The following FAT2 variants were observed in gnomAD, a reference collection of about 807,000 sequenced individuals.
FAT2 encodes protocadherin Fat 2.
A neutral mutation model predicts 295.3 loss-of-function variants in FAT2; 150 were observed. The ratio of observed to expected loss-of-function variants is 0.51; its 90% CI spans 0.44 to 0.58. FAT2 has a LOEUF of 0.58. FAT2 is among the 20% of genes least tolerant of loss of function. The probability of loss-of-function intolerance (pLI) is 0.00; values close to 1 mark genes in which losing one functional copy is unlikely to be tolerated. For missense variants in FAT2, 4,868 were observed against 5,442.7 expected (o/e 0.89, Z 3.32); for synonymous variants, 2,026 against 2,150.3 (o/e 0.94, Z 1.60).
chr5:151,542,911 A>G lies in FAT2; in HGVS notation c.8216T>C (p.Val2739Ala), dbSNP rs1198696192. The change falls in exon 10 of 24, where the codon GTC (valine) becomes GCC (alanine). Residue 2739 changes from valine (V) to alanine (A), a missense_variant. Physicochemically the swap from Val to Ala is moderately conservative, Grantham distance 64. Around this residue, in one of 5 missense-constraint regions of FAT2, gnomAD observed 3,297 missense variants for 3,669.4 expected, o/e 0.90. Coordinates refer to ENST00000261800, the MANE Select transcript of FAT2 (RefSeq NM_001447.3). The part of the protein sequence containing the change: ...GTTPESNKDG[V>A]FSLDPDTGVI... ...CCCTGTGTCTGGGTCTAGGGAGAAG[A>G]CACCATCCTTGTTGCTCTCAGGTGT... 6.2e-7 allele frequency: 1 copy of G among 1,614,186 alleles called. No homozygotes were observed. Among genetic ancestry groups the G allele is most frequent in the Non-Finnish European group, 8.5e-7 (1 of 1,180,038 alleles).
Position 151,569,037 on chromosome 5 carries a change from C to T in FAT2, c.-20-86G>A, listed in dbSNP as rs910165511. 12 of 1,300,212 alleles carry T rather than the reference C, an allele frequency of 9.2e-6. No individual in the cohort carries two copies. The African/African-American group carries it at 1.8e-4, about 19-fold the overall frequency. 80.5% of individuals were successfully genotyped at this position (1,300,212 alleles called of 1,614,324 possible). ...GATTCTTAACTGGAGGTGATTTTGA[C>T]CCTCAAGGGACACTTGGCAATGTCT... On this transcript the variant is annotated intron_variant, in intron 1 of 23. Coordinates refer to ENST00000261800, the MANE Select transcript of FAT2 (RefSeq NM_001447.3).
At chr5:151,522,471 G>C (rs902844778) in intron 18 of FAT2, among the ~76,000 whole-genome samples, 1 of 152,156 alleles carries the variant, frequency 6.6e-6, no homozygotes, top group Non-Finnish European at 1.5e-5. Flanking sequence ...CAATTCTGAT[G>C]CACCATGCAC....
At position 151,567,390 on chromosome 5, in the gene FAT2, G is replaced by A. The variant is rs1758326577; in HGVS notation, c.1542C>T (p.Ile514=). 6 of 1,614,012 alleles carry A rather than the reference G, an allele frequency of 3.7e-6. No individual in the cohort carries two copies. Among genetic ancestry groups the A allele is most frequent in the East Asian group, 2.2e-5 (1 of 44,900 alleles). The change falls in exon 2 of 24, where the codon ATC becomes ATT. Residue 514 remains isoleucine, a synonymous_variant. Transcript: ENST00000261800. ...CATAGTCCATGGGTTTGGAGGTGGA[G>A]ATGATCCCCAGGTAGGGGTCAATAG... The part of the protein sequence containing the change: ...PFSIDPYLGI[I]STSKPMDYEL...
At chr5:151,585,812 G>GC (rs952273886) in intron 1 of FAT2, among the ~76,000 whole-genome samples, 4 of 152,112 alleles carry the variant, frequency 2.6e-5, no homozygotes, top group African/African-American at 9.7e-5. Flanking sequence ...GACTTCAGGA[G>GC]CCCCCAAATC....
intron 10 of FAT2, 69 bp from the exon 11 acceptor site, chr5:151,540,832 G>C (rs2127603191): frequency 7.2e-7 from 1 of 1,396,506 alleles, no homozygotes; most frequent in Non-Finnish European, 9.8e-7. Context: ...GTCACAGGTG[G>C]CTGCCCATTG....
At position 151,565,961 on chromosome 5, in the gene FAT2, T is replaced by C; in HGVS notation, c.2971A>G (p.Arg991Gly). Residue 991 changes from arginine to glycine, a missense_variant, in exon 2 of 24, where the codon AGG becomes GGG. Around this residue, in one of 5 missense-constraint regions of FAT2, gnomAD observed 3,297 missense variants for 3,669.4 expected, o/e 0.90. Coordinates refer to ENST00000261800, the MANE Select transcript of FAT2 (RefSeq NM_001447.3). ...LILERELDFE[R>G]RAGYNLSLWA... The stretch of plus-strand genomic sequence containing the variant: ...AGGCTCAGATTGTACCCAGCTCGCC[T>C]CTCAAAGTCCAGCTCTCTCTCCAGA... 6.2e-7 allele frequency: 1 copy of C among 1,613,968 alleles called. No homozygotes were observed. The highest frequency in any genetic ancestry group is 8.5e-7 in the Non-Finnish European group (1 of 1,180,008).
chr5:151,545,301 C>T lies in FAT2; in HGVS notation c.5826G>A (p.Arg1942=). 1.2e-6 allele frequency: 2 copies of T among 1,614,058 alleles called. No homozygotes were observed. Among genetic ancestry groups the T allele is most frequent in the Non-Finnish European group, 8.5e-7 (1 of 1,179,986 alleles). Residue 1942 remains arginine (R), a synonymous_variant, in exon 10 of 24, where the codon AGG becomes AGA. Coordinates refer to ENST00000261800, the MANE Select transcript of FAT2 (RefSeq NM_001447.3). ...TGTCTTGATACAAGCCATCAGAAGC[C>T]CTGATGGTGAGCTTCCGAGAGAGTC... ...FLGLSRKLTI[R]ASDGLYQDTA...
intron 9 of FAT2, among the ~76,000 whole-genome samples, chr5:151,547,198 G>C (rs999254364): frequency 6.6e-6 from 1 of 152,098 alleles, no homozygotes; most frequent in Non-Finnish European, 1.5e-5. Flanking sequence ...AAAAAATACC[G>C]TATTAAAATT....
intron 11 of FAT2, among the ~76,000 whole-genome samples, chr5:151,539,042 C>T (rs1024719671): frequency 3.9e-5 from 6 of 151,912 alleles, no homozygotes; most frequent in African/African-American, 1.2e-4. Flanking sequence ...GAACCATCTC[C>T]GGGAGGGCCA....
chr5:151,562,953 G>C (rs571026454), intron 3 of FAT2, among the ~76,000 whole-genome samples: 2 of 152,324 alleles, frequency 1.3e-5, no homozygotes, highest in Non-Finnish European at 2.9e-5. Flanking sequence ...ACTCAGGAGA[G>C]AGTCAGGTTG....
At chr5:151,589,904 A>G (rs961144716) in intron 1 of FAT2, among the ~76,000 whole-genome samples, 18 of 152,116 alleles carry the variant, frequency 1.2e-4, no homozygotes, top group African/African-American at 4.3e-4. Flanking sequence ...AAATAAATAA[A>G]TATTTAATAA....
At chr5:151,593,344 G>A (rs1217238707), upstream of FAT2, among the ~76,000 whole-genome samples, 3 of 152,134 alleles carry the variant, frequency 2.0e-5, no homozygotes, top group Admixed American at 1.3e-4. Context: ...TCCAGCGCAG[G>A]GACTGTCTGC....
At chr5:151,581,006 C>T (rs1334212404) in intron 1 of FAT2, among the ~76,000 whole-genome samples, 3 of 152,158 alleles carry the variant, frequency 2.0e-5, no homozygotes, top group Non-Finnish European at 4.4e-5. Flanking sequence ...GTGAGCCCAT[C>T]AGTCTCACGT....
intron 1 of FAT2, among the ~76,000 whole-genome samples, chr5:151,571,813 C>T (rs960112766): frequency 6.6e-6 from 1 of 152,336 alleles, no homozygotes; most frequent in East Asian, 1.9e-4. Flanking sequence ...AAACGTACAT[C>T]AATTCATATG....
At chr5:151,548,483 A>T (rs1382950281) in intron 9 of FAT2, among the ~76,000 whole-genome samples, 2 of 152,088 alleles carry the variant, frequency 1.3e-5, no homozygotes, top group Non-Finnish European at 2.9e-5. Flanking sequence ...ATGTATTAAC[A>T]TACATTTTCT....
chr5:151,515,677 C>A (rs1752788031), intron 20 of FAT2, among the ~76,000 whole-genome samples: 1 of 152,168 alleles, frequency 6.6e-6, no homozygotes, highest in Admixed American at 6.5e-5. Context: ...TTGGCTTTGC[C>A]TTCAAAATCT....
rs1212895239 is a variant in FAT2, at chr5:151,554,174, C to A, written c.3945+188G>T. ...TCCCAGGCAAAGACCTTATTGCCTT[C>A]AAAGAGAAGGACCCAGAATTTGATC... is the stretch of plus-strand genomic sequence containing the variant. On this transcript the variant is annotated intron_variant, in intron 5 of 23. Coordinates refer to ENST00000261800, the MANE Select transcript of FAT2 (RefSeq NM_001447.3). Among the ~76,000 whole-genome samples the A allele has an allele frequency of 2.6e-5, 4 of 152,180 alleles. No homozygotes were observed. In the East Asian group the frequency reaches 7.7e-4, roughly 29 times the overall value.
chr5:151,591,906 A>G (rs1170508188), upstream of FAT2, among the ~76,000 whole-genome samples: 4 of 152,228 alleles, frequency 2.6e-5, no homozygotes, highest in Non-Finnish European at 5.9e-5. Context: ...TAGCTGAGAA[A>G]GTCCCCCATA....
In FAT2 at chr5:151,563,516, G is replaced by T. The variant is rs190882193; in HGVS notation, c.3383C>A (p.Thr1128Lys). 1 of 1,614,120 alleles carries T rather than the reference G, an allele frequency of 6.2e-7. No homozygotes were observed. The highest frequency in any genetic ancestry group is 1.1e-5 in the South Asian group (1 of 91,074). Residue 1128 changes from threonine to lysine, a missense_variant, in exon 3 of 24, where the codon ACG becomes AAG. Physicochemically the swap from Thr to Lys is moderately conservative, Grantham distance 78. Transcript: ENST00000261800. ...CTGGGGTGGGTTGTCATTGGCATCC[G>T]TAACCTCGATGTAGACTTCAGTTAC... ...SSVTEVYIEV[T>K]DANDNPPQMS...
Sources: gnomAD v4.1 joint callset for allele counts (sites outside exome capture counted in the v4.1 genomes callset) on GRCh38, gnomAD v4.1.1 for gene constraint, gnomAD v4.1.1 regional missense constraint, MANE v1.5 for transcripts, NCBI Gene and HGNC (gene_info 2026-07-23, HGNC 2026-07-21) for gene names.